EIF4G3: variants seen among roughly 807,000 people sequenced by gnomAD.
EIF4G3 encodes eukaryotic translation initiation factor 4 gamma 3, also known as eIF-4-gamma 3.
In EIF4G3, 34 loss-of-function variants were observed where a neutral mutation model predicts 186.4. That is an observed-to-expected ratio of 0.18 (90% CI 0.14 to 0.24). EIF4G3 has a LOEUF of 0.24. EIF4G3 is among the 10% of genes least tolerant of loss of function. The pLI, the probability that EIF4G3 is intolerant of heterozygous loss-of-function variation, is 1.00. For missense variants in EIF4G3, 1,536 were observed against 1,948.5 expected, an observed-to-expected ratio of 0.79 and a Z score of 3.99; for synonymous variants, 673 against 679.5, an observed-to-expected ratio of 0.99 and a Z score of 0.15.
intron 14 of EIF4G3, among the ~76,000 whole-genome samples, chr1:20,925,521 AT>A (rs2094822618): frequency 6.6e-6 from 1 of 152,158 alleles, no homozygotes; most frequent in Admixed American, 6.5e-5. Flanking sequence ...CACATAAATA[AT>A]GACTTCTATT....
At chr1:21,155,262 CAAAAA>C (rs34182850) in intron 2 of EIF4G3, among the ~76,000 whole-genome samples, 2 of 43,322 alleles carry the variant, frequency 4.6e-5, no homozygotes, top group East Asian at 7.8e-4. Context: ...GACTCTGTCT[CAAAAA>C]AAAAAAAAAA....
chr1:21,087,161 G>C (rs2096012531), intron 3 of EIF4G3, among the ~76,000 whole-genome samples: 1 of 151,984 alleles, frequency 6.6e-6, no homozygotes, highest in Non-Finnish European at 1.5e-5. Flanking sequence ...TAGACTATGA[G>C]TCCTTTTAAG....
intron 4 of EIF4G3, 115 bp downstream of exon 4, chr1:21,050,751 T>C (rs1571701483): frequency 1.7e-5 from 10 of 602,544 alleles, no homozygotes; most frequent in East Asian, 1.6e-4. Context: ...AAAGACAAAC[T>C]TGAAATTACT....
intron 14 of EIF4G3, among the ~76,000 whole-genome samples, chr1:20,939,116 T>A (rs200958760): frequency 5.1e-4 from 66 of 129,678 alleles, no homozygotes; most frequent in South Asian, 7.5e-4. Flanking sequence ...TAAAAAAAAT[T>A]AAAAAAAAAA....
intron 35 of EIF4G3, among the ~76,000 whole-genome samples, 186 bp downstream of exon 35, chr1:20,812,972 T>C (rs1367786662): frequency 6.6e-6 from 1 of 152,212 alleles, no homozygotes; most frequent in East Asian, 1.9e-4. Flanking sequence ...GGGTTCTCTG[T>C]AGGCGGAGCA....
At chr1:21,063,876 AT>A (rs529362148) in intron 3 of EIF4G3, among the ~76,000 whole-genome samples, 4,000 of 136,322 alleles carry the variant, frequency 0.029, 113 homozygotes, top group East Asian at 0.14. Flanking sequence ...CACCCAGCTA[AT>A]TTTTTTTTTT....
intron 4 of EIF4G3, among the ~76,000 whole-genome samples, chr1:21,041,187 T>G (rs1380116979): frequency 6.6e-6 from 1 of 152,202 alleles, no homozygotes; most frequent in East Asian, 1.9e-4. Flanking sequence ...CTTTCCTGAC[T>G]TTCTCTCAGG....
At chr1:20,903,770 A>G (rs1471307761) in intron 15 of EIF4G3, among the ~76,000 whole-genome samples, 7 of 152,238 alleles carry the variant, frequency 4.6e-5, no homozygotes, top group Non-Finnish European at 1.0e-4. Context: ...GGTAAGAATT[A>G]TAACTTGCTA....
At chr1:21,015,435 A>G (rs1050502497) in intron 4 of EIF4G3, among the ~76,000 whole-genome samples, 4 of 151,884 alleles carry the variant, frequency 2.6e-5, no homozygotes, top group Non-Finnish European at 5.9e-5. Context: ...CCCACATAGG[A>G]AAAAAAACCA....
rs12046960 is a variant in EIF4G3 at position 21,159,460 on chromosome 1, G to A, written c.-272+16715C>T. Among the ~76,000 whole-genome samples the A allele has an allele frequency of 2.7e-3, 413 of 152,010 alleles. 7 individuals are homozygous for A. In the East Asian group the frequency reaches 0.036, roughly 13 times the overall value. On this transcript the variant is annotated intron_variant, in intron 2 of 36. Transcript: ENST00000602326. Reference sequence around the variant, plus strand: ...AAAAAAAAAAAGAAAAAAAAAGGCTGGCGCGGTGGCTCACGCCTGTAATCC... The same window carrying A: ...AAAAAAAAAAAGAAAAAAAAAGGCTAGCGCGGTGGCTCACGCCTGTAATCC...
At position 20,810,195 on chromosome 1, in the gene EIF4G3, G is replaced by C. The variant is rs1046122938; in HGVS notation, c.4744+543C>G. Among the ~76,000 whole-genome samples, 5 of 148,482 alleles carry C rather than the reference G, an allele frequency of 3.4e-5. No individual in the cohort carries two copies. Among genetic ancestry groups the C allele is most frequent in the African/African-American group, 1.3e-4 (5 of 39,994 alleles). On this transcript the variant is annotated intron_variant, in intron 36 of 36. Transcript: ENST00000602326. This position sits in a 1 kb window ranked among gnomAD's most constrained non-coding sequence, Gnocchi z 4.1. ...TTTTGAGATAGAGTCTCGCTCTGTC[G>C]CCAGGCTGGAGTGCAGTGGCATGCT...
intron 3 of EIF4G3, among the ~76,000 whole-genome samples, chr1:21,057,004 T>C (rs1223019684): frequency 2.6e-5 from 4 of 152,198 alleles, no homozygotes; most frequent in East Asian, 1.9e-4. Context: ...CTTACAGATA[T>C]TATATTTTTG....
intron 26 of EIF4G3, 27 bp from the exon 27 acceptor site, chr1:20,853,704 A>C (rs1367819447): frequency 2.0e-6 from 3 of 1,524,712 alleles, no homozygotes; most frequent in Non-Finnish European, 2.7e-6. Flanking sequence ...TTTAGAAAAA[A>C]ATACAAATCA....
At chr1:21,049,443 C>T (rs912310471) in intron 4 of EIF4G3, among the ~76,000 whole-genome samples, 2 of 152,122 alleles carry the variant, frequency 1.3e-5, no homozygotes, top group African/African-American at 4.8e-5. Flanking sequence ...GTCTAAGAAA[C>T]CCAACACAGG....
At chr1:21,101,299 G>A (rs2096513167) in intron 2 of EIF4G3, among the ~76,000 whole-genome samples, 1 of 151,936 alleles carries the variant, frequency 6.6e-6, no homozygotes, top group Non-Finnish European at 1.5e-5. Context: ...CGAGCACGGT[G>A]GCTCACGCCA....
intron 18 of EIF4G3, among the ~76,000 whole-genome samples, chr1:20,888,389 A>G (rs1397252550): frequency 2.0e-5 from 3 of 152,230 alleles, no homozygotes; most frequent in Admixed American, 2.0e-4. Context: ...ATCTCTGGTT[A>G]TAACTAAGAT....
At chr1:20,958,245 T>C (rs773652600) in intron 12 of EIF4G3, among the ~76,000 whole-genome samples, 8 of 152,148 alleles carry the variant, frequency 5.3e-5, no homozygotes, top group Non-Finnish European at 8.8e-5. Context: ...TGGTTTAACA[T>C]ATGTAAGTCA....
chr1:21,172,997 G>A lies in EIF4G3; in HGVS notation c.-272+3178C>T, dbSNP rs183535778. Among the ~76,000 whole-genome samples, 557 of 151,198 alleles carry A rather than the reference G, an allele frequency of 3.7e-3. 3 individuals carry two copies. Among genetic ancestry groups the A allele is most frequent in the African/African-American group, 0.013 (521 of 41,388 alleles). ...CTACTAAAATACAAAAAATTAGCCA[G>A]GCATGGTGGCGCACACCTGTAGTCC... On this transcript the variant is annotated intron_variant, in intron 2 of 36. Transcript: ENST00000602326.
At chr1:20,988,229 G>C (rs1300447464) in intron 7 of EIF4G3, 1 of 169,460 alleles carries the variant, frequency 5.9e-6, no homozygotes, top group Non-Finnish European at 1.5e-5. Context: ...AGTACTTATG[G>C]AGAAACTGCT....
Sources: allele counts gnomAD v4.1 joint callset (sites outside exome capture counted in the v4.1 genomes callset), GRCh38; gene constraint gnomAD v4.1.1; non-coding constraint Gnocchi (gnomAD v3.1); transcripts MANE v1.5; gene names NCBI Gene and HGNC (gene_info 2026-07-23, HGNC 2026-07-21).